The following SORCS3 variants were observed in gnomAD, a reference collection of about 807,000 sequenced individuals.
SORCS3 encodes the protein VPS10 domain-containing receptor SorCS3.
In SORCS3, 57 loss-of-function variants were observed where a neutral mutation model predicts 146.3. That is an observed-to-expected ratio of 0.39 (90% CI 0.31 to 0.49). SORCS3 has a LOEUF of 0.49. Among genes scored for constraint, SORCS3 ranks in the 20% least tolerant of loss-of-function variants. The pLI is 0.92. For synonymous variants in SORCS3, 653 were observed against 618.5 expected (o/e 1.06, Z -0.83); for missense variants, 1,341 against 1,575.5 (o/e 0.85, Z 2.52).
chr10:104,747,799 G>T (rs980127429), intron 1 of SORCS3, among the ~76,000 whole-genome samples: 19 of 152,184 alleles, frequency 1.2e-4, no homozygotes, highest in Admixed American at 6.5e-5. Flanking sequence ...GCAGTCTCCT[G>T]CCTCTGCCTT....
intron 1 of SORCS3, among the ~76,000 whole-genome samples, chr10:104,816,216 G>T (rs1446258059): frequency 1.3e-5 from 2 of 152,150 alleles, no homozygotes; most frequent in East Asian, 3.9e-4. Flanking sequence ...GGGAATATCT[G>T]TTTCTTTATA....
At chr10:104,818,006 T>C (rs547161615) in intron 1 of SORCS3, among the ~76,000 whole-genome samples, 7 of 152,236 alleles carry the variant, frequency 4.6e-5, no homozygotes, top group East Asian at 3.9e-4. Flanking sequence ...ATGTCACCAA[T>C]TGAACACTTC....
intron 4 of SORCS3, among the ~76,000 whole-genome samples, chr10:105,039,028 A>G (rs1285701443): frequency 6.6e-6 from 1 of 152,202 alleles, no homozygotes; most frequent in Non-Finnish European, 1.5e-5. Flanking sequence ...TGGCATTATA[A>G]TTGCATGCAT....
chr10:105,055,204 T>TG (rs1441367524), intron 5 of SORCS3, among the ~76,000 whole-genome samples: 1 of 152,186 alleles, frequency 6.6e-6, no homozygotes, highest in Non-Finnish European at 1.5e-5. Context: ...AAAGACATGT[T>TG]GCACACAGCA....
Position 104,856,269 on chromosome 10 carries a change from T to C in SORCS3, c.695+13410T>C, listed in dbSNP as rs557112106. Among the ~76,000 whole-genome samples the C allele has an allele frequency of 5.8e-4, 88 of 151,452 alleles. 1 individual carries two copies. The South Asian group carries it at 0.018, about 32-fold the overall frequency. On this transcript the variant is annotated intron_variant, in intron 2 of 26. Coordinates refer to ENST00000369701, the MANE Select transcript of SORCS3 (RefSeq NM_014978.3). Reference sequence around the variant, plus strand: ...TCCCTTCCAGGTGCCCCTAATTGGTTGGTCTCTCTCTCTCTCTCTACATAT... The same window carrying C: ...TCCCTTCCAGGTGCCCCTAATTGGTCGGTCTCTCTCTCTCTCTCTACATAT...
chr10:104,644,413 C>T (rs2015467080), intron 1 of SORCS3, among the ~76,000 whole-genome samples: 1 of 152,234 alleles, frequency 6.6e-6, no homozygotes, highest in Non-Finnish European at 1.5e-5. Flanking sequence ...GAGAAGCATA[C>T]TCACATGGCC....
At chr10:104,778,812 C>T (rs2017341219) in intron 1 of SORCS3, among the ~76,000 whole-genome samples, 1 of 152,170 alleles carries the variant, frequency 6.6e-6, no homozygotes, top group African/African-American at 2.4e-5. Flanking sequence ...CCAGGCATTA[C>T]TGGCCTTACA....
intron 7 of SORCS3, among the ~76,000 whole-genome samples, chr10:105,106,120 A>G (rs1386775377): frequency 6.6e-6 from 1 of 152,216 alleles, no homozygotes. Flanking sequence ...CAGGACAAAA[A>G]TAAGGGGAAC....
At chr10:104,934,935 G>T (rs1219648386) in intron 3 of SORCS3, among the ~76,000 whole-genome samples, 1 of 152,184 alleles carries the variant, frequency 6.6e-6, no homozygotes, top group Non-Finnish European at 1.5e-5. Flanking sequence ...AGTTGGAGTT[G>T]AAGGACACTG....
intron 1 of SORCS3, chr10:104,821,993 C>T (rs1160149868): frequency 4.4e-6 from 2 of 459,530 alleles, no homozygotes; most frequent in Non-Finnish European, 8.5e-6. Context: ...CAGCAGTGTT[C>T]AACACACCTG....
chr10:104,885,360 A>G (rs959921548), intron 2 of SORCS3, among the ~76,000 whole-genome samples: 7 of 152,224 alleles, frequency 4.6e-5, no homozygotes, highest in African/African-American at 1.7e-4. Context: ...TTAAGAGAGC[A>G]TACACACTTG....
chr10:104,671,822 A>G (rs2015858016), intron 1 of SORCS3, among the ~76,000 whole-genome samples: 1 of 152,116 alleles, frequency 6.6e-6, no homozygotes, highest in African/African-American at 2.4e-5. Context: ...AGGAATAAAT[A>G]CCACTTGTCA....
At chr10:104,787,213 G>A (rs1399747105) in intron 1 of SORCS3, among the ~76,000 whole-genome samples, 2 of 152,182 alleles carry the variant, frequency 1.3e-5, no homozygotes, top group Non-Finnish European at 2.9e-5. Flanking sequence ...GCAGCTGGGG[G>A]TGGGATTGGG....
intron 7 of SORCS3, among the ~76,000 whole-genome samples, chr10:105,118,357 C>A (rs1001775338): frequency 6.6e-6 from 1 of 152,122 alleles, no homozygotes; most frequent in East Asian, 1.9e-4. Context: ...GAGGCCTTCC[C>A]AGCCCTTCCA....
intron 4 of SORCS3, among the ~76,000 whole-genome samples, chr10:105,032,925 T>G (rs1006691338): frequency 4.6e-5 from 7 of 152,180 alleles, no homozygotes; most frequent in Admixed American, 2.6e-4. Context: ...GGGCCCATCA[T>G]CTCATGGAGG....
chr10:104,826,894 A>T (rs2133533313), intron 1 of SORCS3, among the ~76,000 whole-genome samples: 1 of 152,336 alleles, frequency 6.6e-6, no homozygotes, highest in Admixed American at 6.5e-5. Flanking sequence ...AATAGTCTAA[A>T]TCTTCTGTTG....
At chr10:105,229,630 G>A (rs1183145602) in intron 20 of SORCS3, among the ~76,000 whole-genome samples, 2 of 152,206 alleles carry the variant, frequency 1.3e-5, no homozygotes, top group Non-Finnish European at 2.9e-5. Context: ...AATAGAATCA[G>A]TGGCAGCTGT....
chr10:104,842,870 T>C lies in SORCS3; in HGVS notation c.695+11T>C, dbSNP rs1564696268. 2 of 1,611,272 alleles carry C rather than the reference T, an allele frequency of 1.2e-6. No individual in the cohort carries two copies. The highest frequency in any genetic ancestry group is 1.7e-6 in the Non-Finnish European group (2 of 1,177,626). The stretch of plus-strand genomic sequence containing the variant: ...GAGTTCACTATGGAGGTAAGCAGAT[T>C]AGAGATTCTTAAGGAGCCACCCTGG... On this transcript the variant is annotated intron_variant, in intron 2 of 26. Coordinates refer to ENST00000369701, the MANE Select transcript of SORCS3 (RefSeq NM_014978.3).
chr10:104,659,403 T>C (rs2015672884), intron 1 of SORCS3, among the ~76,000 whole-genome samples: 1 of 152,228 alleles, frequency 6.6e-6, no homozygotes, highest in Non-Finnish European at 1.5e-5. Flanking sequence ...CTTCTCTGAC[T>C]TTTAGTCCAG....
Sources: gnomAD v4.1 joint callset for allele counts (sites outside exome capture counted in the v4.1 genomes callset) on GRCh38, gnomAD v4.1.1 for gene constraint, MANE v1.5 for transcripts, NCBI Gene and HGNC (gene_info 2026-07-23, HGNC 2026-07-21) for gene names.